Variants in DMD observed in about 807,000 individuals in gnomAD.
DMD encodes dystrophin.
Under a neutral mutation model 330.1 loss-of-function variants are expected in DMD, and 63 were observed. The ratio of observed to expected loss-of-function variants is 0.19; its 90% confidence interval spans 0.16 to 0.24. DMD has a LOEUF of 0.24. Ranked by LOEUF, DMD falls within the 10% of genes least tolerant of loss-of-function variation. DMD has a pLI of 1.00. For missense variants in DMD, 3,344 were observed against 2,684.1 expected, an observed-to-expected ratio of 1.25 and a Z score of -5.43; for synonymous variants, 1,223 against 959.8, an observed-to-expected ratio of 1.27 and a Z score of -5.07.
chrX:32,668,558 A>C (rs945735726), intron 9 of DMD, among the ~76,000 whole-genome samples: 2 of 112,098 alleles, frequency 1.8e-5, no homozygotes, highest in African/African-American at 6.5e-5. Flanking sequence ...TGGCATCAGG[A>C]GACAGAGTCC....
At chrX:31,569,595 T>C (rs768950546) in intron 55 of DMD, among the ~76,000 whole-genome samples, 6 of 86,219 alleles carry the variant, frequency 7.0e-5, no homozygotes, top group African/African-American at 2.5e-4. Flanking sequence ...AATATATATA[T>C]ACACATATAT....
chrX:33,056,583 A>T (rs764403426), intron 1 of DMD, among the ~76,000 whole-genome samples: 4 of 109,555 alleles, frequency 3.7e-5, no homozygotes, highest in Non-Finnish European at 7.6e-5. Flanking sequence ...GCTGGTCTCT[A>T]ACTCCTGACC....
intron 60 of DMD, among the ~76,000 whole-genome samples, chrX:31,395,023 A>T (rs752750863): frequency 9.5e-6 from 1 of 105,520 alleles, no homozygotes. Context: ...CCTTCTACTA[A>T]CTGCCTGGTT....
chrX:32,613,843 A>G (rs1445344936), intron 12 of DMD, among the ~76,000 whole-genome samples: 3 of 111,632 alleles, frequency 2.7e-5, no homozygotes, highest in Non-Finnish European at 5.7e-5. Flanking sequence ...CTGCTGTAAC[A>G]AAAATAACTG....
intron 42 of DMD, among the ~76,000 whole-genome samples, chrX:32,290,692 C>G (rs757258091): frequency 8.9e-6 from 1 of 111,896 alleles, no homozygotes; most frequent in East Asian, 2.8e-4. Flanking sequence ...TTGAGTTCTT[C>G]CCATGTGTAA....
At chrX:32,137,244 C>T (rs72626016) in intron 44 of DMD, among the ~76,000 whole-genome samples, 8,601 of 111,076 alleles carry the variant, frequency 0.077, 603 homozygotes, top group African/African-American at 0.2. Context: ...CAGCAAACCA[C>T]ATAGTTGGTG....
At chrX:33,241,337 G>A (rs1407721102) in intron 1 of DMD, among the ~76,000 whole-genome samples, 1 of 111,782 alleles carries the variant, frequency 8.9e-6, no homozygotes, top group East Asian at 2.8e-4. Context: ...GATATACCTG[G>A]TACCATTGTT....
chrX:31,478,774 G>A lies in DMD; in HGVS notation c.8668+209C>T, dbSNP rs66517855. ...CAATAACTGATTGCTAATCTCTTTT[G>A]ATGTTTATTTATGAATGCACAAACT... On this transcript the variant is annotated intron_variant, in intron 58 of 78. Transcript: ENST00000357033. Among the ~76,000 whole-genome samples, 13,276 of 111,044 alleles carry A rather than the reference G, an allele frequency of 0.12. 991 individuals carry two copies. The highest frequency in any genetic ancestry group is 0.28 in the African/African-American group (8,597 of 30,474).
In DMD at chrX:32,863,509, C is replaced by CAAAAAAAA. The variant is rs544421635; in HGVS notation, c.94-13697_94-13690dup. Among the ~76,000 whole-genome samples the CAAAAAAAA allele has an allele frequency of 1.1e-3, 55 of 49,056 alleles. 2 individuals carry two copies. The highest frequency in any genetic ancestry group is 5.9e-3 in the African/African-American group (46 of 7,807). 42.6% of individuals were successfully genotyped at this position (49,056 alleles called of 115,157 possible). A position where few individuals can be genotyped will look rare whatever the true frequency, so the allele number is the denominator to read the frequency against. ...TGGGTGGCAGAGTGAGACTCCGTCT[C>CAAAAAAAA]AAAAAAAAAAAAAAAAGATTGTGTT... On this transcript the variant is annotated intron_variant, in intron 2 of 78. Transcript: ENST00000357033.
intron 2 of DMD, among the ~76,000 whole-genome samples, chrX:33,015,150 C>G (rs916108676): frequency 2.7e-5 from 3 of 111,180 alleles, no homozygotes; most frequent in African/African-American, 9.9e-5. Flanking sequence ...TTCAACCTAG[C>G]AATCCCATTA....
At chrX:32,788,042 A>G (rs2075539329) in intron 7 of DMD, among the ~76,000 whole-genome samples, 2 of 111,716 alleles carry the variant, frequency 1.8e-5, no homozygotes, top group Admixed American at 9.6e-5. Context: ...CTGAGCCTCA[A>G]TAATTTTCCA....
chrX:33,166,050 T>C (rs750483015), intron 1 of DMD, among the ~76,000 whole-genome samples: 80 of 111,141 alleles, frequency 7.2e-4, no homozygotes, highest in Non-Finnish European at 1.3e-3. Flanking sequence ...TCTGAACTGA[T>C]TGGAAAGGAT....
intron 56 of DMD, among the ~76,000 whole-genome samples, chrX:31,506,942 G>A (rs903961025): frequency 9.0e-6 from 1 of 111,731 alleles, no homozygotes; most frequent in Non-Finnish European, 1.9e-5. Flanking sequence ...ATACATATCC[G>A]TTAATTTTTT....
In DMD at chrX:32,457,691, G is replaced by A. The variant is rs1369568328; in HGVS notation, c.3433-2859C>T. ...TATTCTGATTGCTTATATTTTCTCG[G>A]TAAAACAAGAAGCTAGTTTTTTGCA... On this transcript the variant is annotated intron_variant, in intron 25 of 78. Coordinates refer to ENST00000357033, the MANE Select transcript of DMD (RefSeq NM_004006.3). Among the ~76,000 whole-genome samples the A allele has an allele frequency of 8.0e-5, 6 of 75,457 alleles. No individual in the cohort carries two copies. In the East Asian group the frequency reaches 3.1e-3, roughly 39 times the overall value. 65.5% of individuals were successfully genotyped at this position (75,457 alleles called of 115,157 possible). A position where few individuals can be genotyped will look rare whatever the true frequency, so the allele number is the denominator to read the frequency against.
At position 32,574,897 on chromosome X, in the gene DMD, CTA is replaced by C. The variant is rs1491291181; in HGVS notation, c.1603-1053_1603-1052del. On this transcript the variant is annotated intron_variant, in intron 13 of 78. Coordinates refer to ENST00000357033, the MANE Select transcript of DMD (RefSeq NM_004006.3). ...AATTAGCATCATGAAAATAATCCAC[CTA>C]TTTTTTTTTTTTTTGTAGACAGAGT... Among the ~76,000 whole-genome samples, 7 of 91,151 alleles carry C rather than the reference CTA, an allele frequency of 7.7e-5. No individual in the cohort carries two copies. In the South Asian group the frequency reaches 3.1e-3, roughly 41 times the overall value. 79.2% of individuals were successfully genotyped at this position (91,151 alleles called of 115,157 possible).
intron 41 of DMD, among the ~76,000 whole-genome samples, chrX:32,329,387 G>A (rs1603630874): frequency 2.7e-5 from 3 of 111,595 alleles, no homozygotes; most frequent in African/African-American, 9.8e-5. Flanking sequence ...CAGAAATAGA[G>A]GCCCAAGTCA....
intron 7 of DMD, among the ~76,000 whole-genome samples, chrX:32,788,267 G>A (rs549677934): frequency 1.8e-5 from 2 of 111,740 alleles, no homozygotes; most frequent in African/African-American, 6.5e-5. Context: ...ACTGGGGAGT[G>A]GGGCAGAGAG....
At chrX:32,596,178 G>A (rs2055502814) in intron 12 of DMD, among the ~76,000 whole-genome samples, 1 of 109,514 alleles carries the variant, frequency 9.1e-6, no homozygotes, top group Non-Finnish European at 1.9e-5. Context: ...ACAACTATCA[G>A]CACTTCTGGC....
chrX:33,287,690 C>T (rs1436294898), intron 1 of DMD, among the ~76,000 whole-genome samples: 1 of 111,270 alleles, frequency 9.0e-6, no homozygotes, highest in Non-Finnish European at 1.9e-5. Flanking sequence ...GTTAAAAAGA[C>T]AGGAGTAGAA....
Sources: gnomAD v4.1 joint callset for allele counts (sites outside exome capture counted in the v4.1 genomes callset) on GRCh38, gnomAD v4.1.1 for gene constraint, MANE v1.5 for transcripts, NCBI Gene and HGNC (gene_info 2026-07-23, HGNC 2026-07-21) for gene names.